ADSL: variants seen among roughly 807,000 people sequenced by gnomAD.
ADSL encodes adenylosuccinase.
A neutral mutation model predicts 62.1 loss-of-function variants in ADSL; 44 were observed. That is an observed-to-expected ratio of 0.71 (90% CI 0.56 to 0.91). ADSL has a LOEUF of 0.91. Ranked by LOEUF, ADSL falls within the 40% of genes least tolerant of loss-of-function variation. The pLI is 0.00. For missense variants in ADSL, 531 were observed against 627.4 expected, an observed-to-expected ratio of 0.85 and a Z score of 1.64; for synonymous variants, 198 against 220.5, an observed-to-expected ratio of 0.90 and a Z score of 0.90.
Position 40,366,606 on chromosome 22 carries a change from G to A in ADSL, c.*84G>A. ...ACTATAATGCCTTATTTTACCTCGAGAATTGTTACCTTAAATTAGTACAGC... is the reference window on the plus strand; with the variant it reads ...ACTATAATGCCTTATTTTACCTCGAAAATTGTTACCTTAAATTAGTACAGC... On this transcript the variant is annotated 3_prime_UTR_variant, in exon 13 of 13. Transcript: ENST00000623063. 2.0e-6 allele frequency: 2 copies of A among 994,496 alleles called. No individual in the cohort carries two copies. Among genetic ancestry groups the A allele is most frequent in the Non-Finnish European group, 3.2e-6 (2 of 628,238 alleles). 61.6% of individuals were successfully genotyped at this position (994,496 alleles called of 1,614,324 possible). A position where few individuals can be genotyped will look rare whatever the true frequency, so the allele number is the denominator to read the frequency against.
At chr22:40,361,083 C>G in intron 7 of ADSL, 190 bp from the exon 8 acceptor site, 1 of 701,108 alleles carries the variant, frequency 1.4e-6, no homozygotes, top group South Asian at 1.5e-5. Flanking sequence ...AATTTGTCAT[C>G]CCAGTCCTTC....
chr22:40,353,177 C>G (rs952564571), intron 3 of ADSL, 60 bp downstream of exon 3: 9 of 1,303,974 alleles, frequency 6.9e-6, no homozygotes, highest in Non-Finnish European at 1.0e-5. Context: ...GAGATAGGCA[C>G]CAGTTACAAC....
intron 7 of ADSL, 177 bp from the exon 8 acceptor site, chr22:40,361,096 G>A (rs1402402138): frequency 4.1e-6 from 3 of 733,030 alleles, no homozygotes; most frequent in Admixed American, 3.7e-5. Context: ...AGTCCTTCGG[G>A]AACAGAGAGG....
chr22:40,352,199 G>A (rs2044372493), intron 2 of ADSL: 1 of 152,042 alleles, frequency 6.6e-6, no homozygotes, highest in Non-Finnish European at 1.5e-5. Flanking sequence ...TGATATTCTG[G>A]GTCATTCCTT....
Position 40,360,491 on chromosome 22 carries a change from A to G in ADSL, c.791A>G (p.Lys264Arg). 1 of 1,613,494 alleles carries G rather than the reference A, an allele frequency of 6.2e-7. No homozygotes were observed. The highest frequency in any genetic ancestry group is 2.2e-5 in the East Asian group (1 of 44,882). Residue 264 changes from lysine (K) to arginine (R), a missense_variant and splice_region_variant, in exon 7 of 13, where the codon AAG (lysine) becomes AGG (arginine). Lys to Arg is a conservative substitution (Grantham distance 26, BLOSUM62 2). Coordinates refer to ENST00000623063, the MANE Select transcript of ADSL (RefSeq NM_000026.4). Reference protein sequence around the residue: ...VLASLGASVHKICTDIRLLAN... With the variant: ...VLASLGASVHRICTDIRLLAN... ...GCTAGCTTGGGGGCATCAGTGCACAAGGTGAGTGGTGGCAGCATGTGGGGT... is the reference window on the plus strand; with the variant it reads ...GCTAGCTTGGGGGCATCAGTGCACAGGGTGAGTGGTGGCAGCATGTGGGGT...
rs1268571531 is a variant in ADSL, at chr22:40,346,579, TG to T, written c.23del (p.Gly8ValfsTer58). 1.9e-6 allele frequency: 3 copies of T among 1,605,978 alleles called. No individual in the cohort carries two copies. The Admixed American group carries it at 5.1e-5, about 27-fold the overall frequency. On this transcript the variant is annotated frameshift_variant, in exon 1 of 13. Transcript: ENST00000623063. LOFTEE classifies it high-confidence loss of function. Reference protein sequence around the residue: MAAGGDHGSPDSYRSPLA... With the variant: MAAGGDHXSPDSYRSPLA... ...TTGGGATGGCGGCTGGAGGCGATCATGGTTCGCCCGACAGCTACCGCTCACC... is the reference window on the plus strand; with the variant it reads ...TTGGGATGGCGGCTGGAGGCGATCATGTTCGCCCGACAGCTACCGCTCACC...
intron 2 of ADSL, among the ~76,000 whole-genome samples, chr22:40,376,924 T>C (rs2046730300): frequency 1.3e-5 from 2 of 152,228 alleles, no homozygotes; most frequent in African/African-American, 4.8e-5. Context: ...TGCACACATT[T>C]TCTTTGATTG....
intron 2 of ADSL, among the ~76,000 whole-genome samples, chr22:40,379,842 T>C (rs915995157): frequency 2.6e-5 from 4 of 152,074 alleles, no homozygotes; most frequent in Non-Finnish European, 5.9e-5. Context: ...CTGAGTAATC[T>C]GGGACTACAG....
At chr22:40,360,684 A>G (rs974730242) in intron 7 of ADSL, among the ~76,000 whole-genome samples, 192 bp downstream of exon 7, 1 of 151,910 alleles carries the variant, frequency 6.6e-6, no homozygotes, top group African/African-American at 2.4e-5. Flanking sequence ...TATCTCAAGC[A>G]CTGCAAAACA....
intron 4 of ADSL, among the ~76,000 whole-genome samples, chr22:40,357,826 C>T (rs1353033326): frequency 2.0e-5 from 3 of 152,034 alleles, no homozygotes; most frequent in Non-Finnish European, 2.9e-5. Context: ...TCGCCCAGTG[C>T]GGTGTCACAG....
chr22:40,379,291 T>G (rs986039434), intron 2 of ADSL: 1 of 152,260 alleles, frequency 6.6e-6, no homozygotes, highest in Admixed American at 6.5e-5. Context: ...CAACACAAAG[T>G]CACCATTGGG....
At chr22:40,355,654 T>A (rs2044525569) in intron 4 of ADSL, among the ~76,000 whole-genome samples, 1 of 152,204 alleles carries the variant, frequency 6.6e-6, no homozygotes, top group South Asian at 2.1e-4. Context: ...ACTTTTTGGC[T>A]ACTATGAATA....
chr22:40,371,694 T>C (rs184379167), downstream of ADSL, among the ~76,000 whole-genome samples: 186 of 152,274 alleles, frequency 1.2e-3, no homozygotes, highest in African/African-American at 4.4e-3. Flanking sequence ...TCTTCTTTTC[T>C]TTTCTTTTCT....
At chr22:40,359,417 C>A in intron 6 of ADSL, 111 bp downstream of exon 6, 2 of 943,310 alleles carry the variant, frequency 2.1e-6, no homozygotes, top group Non-Finnish European at 3.3e-6. Context: ...CTTTGTTCTT[C>A]TACCCATTTT....
At chr22:40,359,125 T>C (rs907465096) in intron 5 of ADSL, 90 bp downstream of exon 5, 7 of 1,591,656 alleles carry the variant, frequency 4.4e-6, no homozygotes, top group Admixed American at 3.4e-5. Flanking sequence ...AGAGATTGAC[T>C]GTGGGATGGG....
intron 2 of ADSL, chr22:40,387,206 CCTT>C (rs1176146226): frequency 1.3e-5 from 5 of 398,382 alleles, no homozygotes; most frequent in Non-Finnish European, 2.2e-5. Context: ...TATTATTTTT[CCTT>C]CTTTCATAGG....
chr22:40,364,756 T>G lies in ADSL; in HGVS notation c.1192-124T>G. 3 of 1,015,060 alleles carry G rather than the reference T, an allele frequency of 3.0e-6. No individual in the cohort carries two copies. The South Asian group carries it at 4.0e-5, about 13-fold the overall frequency. 62.9% of individuals were successfully genotyped at this position (1,015,060 alleles called of 1,614,324 possible). On this transcript the variant is annotated intron_variant, in intron 11 of 12. Coordinates refer to ENST00000623063, the MANE Select transcript of ADSL (RefSeq NM_000026.4). ...GGTACAGATAGACACAGGAACCACC[T>G]CAGCCTAGAGGGGTTTTGTGTAGAG...
At chr22:40,371,020 G>T (rs1268800402), downstream of ADSL, among the ~76,000 whole-genome samples, 2 of 152,194 alleles carry the variant, frequency 1.3e-5, no homozygotes, top group Admixed American at 1.3e-4. Flanking sequence ...CGAAAACCGC[G>T]CCTGAGGCGG....
chr22:40,372,030 C>T (rs1437705779), downstream of ADSL, among the ~76,000 whole-genome samples: 4 of 151,176 alleles, frequency 2.6e-5, no homozygotes. Context: ...AGATATCTTT[C>T]CTGGCTTTTG....
Sources: gnomAD v4.1 joint callset for allele counts (sites outside exome capture counted in the v4.1 genomes callset) on GRCh38, gnomAD v4.1.1 for gene constraint, MANE v1.5 for transcripts, NCBI Gene and HGNC (gene_info 2026-07-23, HGNC 2026-07-21) for gene names.